Variants in MTX3 observed in about 807,000 individuals in gnomAD.
MTX3 encodes metaxin-3.
A neutral mutation model predicts 42.5 loss-of-function variants in MTX3; 27 were observed. The observed-to-expected ratio is 0.64, with a 90% CI of 0.47 to 0.88. The LOEUF (loss-of-function observed/expected upper bound fraction) is 0.88, where lower values mean the gene tolerates loss of function less well. Among genes scored for constraint, MTX3 ranks in the 40% least tolerant of loss-of-function variants. The pLI is 0.00. For missense variants in MTX3, 378 were observed against 367.0 expected (o/e 1.03, Z -0.25); for synonymous variants, 144 against 132.9 (o/e 1.08, Z -0.57).
chr5:79,978,295 T>A lies in MTX3; in HGVS notation c.*5389A>T, dbSNP rs1253990413. On this transcript the variant is annotated 3_prime_UTR_variant, in exon 9 of 9. Coordinates refer to ENST00000512528, the MANE Select transcript of MTX3 (RefSeq NM_001363818.2). ...CATAAATCCCACAAGATACCTACTT[T>A]TAAAAAAATCTGGCCGGGGACAGTG... 6.6e-6 allele frequency: 1 copy of A among 152,136 alleles called. No homozygotes were observed. The highest frequency in any genetic ancestry group is 1.5e-5 in the Non-Finnish European group (1 of 68,042). 9.4% of individuals were successfully genotyped at this position (152,136 alleles called of 1,614,324 possible). A position where few individuals can be genotyped will look rare whatever the true frequency, so the allele number is the denominator to read the frequency against.
Position 79,977,077 on chromosome 5 carries a change from C to T in MTX3, c.*6607G>A, listed in dbSNP as rs1831267668. ...CTTCTTTACTGTCAATCTTTCAGAA[C>T]AGTAACATGACATTACAAACACCTC... On this transcript the variant is annotated 3_prime_UTR_variant, in exon 9 of 9. Transcript: ENST00000512528. The T allele has an allele frequency of 6.6e-6, 1 of 152,146 alleles. No homozygotes were observed. The highest frequency in any genetic ancestry group is 1.5e-5 in the Non-Finnish European group (1 of 68,024). The allele number at this position is 152,146 out of a possible 1,614,324, so 9.4% of individuals were successfully genotyped here. A position where few individuals can be genotyped will look rare whatever the true frequency, so the allele number is the denominator to read the frequency against.
At position 79,982,700 on chromosome 5, in the gene MTX3, T is replaced by C; in HGVS notation, c.*984A>G. ...GAAAAATAATTGGTTGTCAGAAAGC[T>C]TTTGACTACATGATATGCATCTTAT... On this transcript the variant is annotated 3_prime_UTR_variant, in exon 9 of 9. Coordinates refer to ENST00000512528, the MANE Select transcript of MTX3 (RefSeq NM_001363818.2). 1 of 240,684 alleles carries C rather than the reference T, an allele frequency of 4.2e-6. No homozygotes were observed. The highest frequency in any genetic ancestry group is 8.4e-6 in the Non-Finnish European group (1 of 119,316). 14.9% of individuals were successfully genotyped at this position (240,684 alleles called of 1,614,324 possible).
intron 8 of MTX3, among the ~76,000 whole-genome samples, chr5:79,985,103 T>C (rs1831460472): frequency 1.3e-5 from 2 of 152,128 alleles, no homozygotes; most frequent in South Asian, 4.1e-4. Flanking sequence ...TGCCTCAGCC[T>C]CCTGAGTAGC....
In MTX3 at chr5:79,987,057, T is replaced by C; in HGVS notation, c.632A>G (p.Lys211Arg). The C allele has an allele frequency of 6.2e-7, 1 of 1,613,924 alleles. No homozygotes were observed. The highest frequency in any genetic ancestry group is 8.5e-7 in the Non-Finnish European group (1 of 1,179,868). Residue 211 changes from lysine to arginine, a missense_variant, in exon 7 of 9, where the codon AAA becomes AGA. Transcript: ENST00000512528. ...YVFGFLAPLY[K>R]VRFPKVQLQE... ...TAGCTGAACTTTAGGAAACCGTACT[T>C]TGTAAAGAGGTGCAAGAAAACCAAA...
intron 3 of MTX3, 123 bp from the exon 4 acceptor site, chr5:79,989,367 G>A (rs967460531): frequency 1.6e-6 from 1 of 630,406 alleles, no homozygotes; most frequent in Non-Finnish European, 2.7e-6. Flanking sequence ...TAAAATGGGA[G>A]AAAGAGAAAT....
rs761849345 is a variant in MTX3 at position 79,987,097 on chromosome 5, A to T, written c.592T>A (p.Leu198Met). 6 of 1,613,658 alleles carry T rather than the reference A, an allele frequency of 3.7e-6. No homozygotes were observed. In the African/African-American group the frequency reaches 8.0e-5, roughly 22 times the overall value. ...AGAAAACCAAAAACATAGGCATCCA[A>T]GGTAGAAGGCCTAGAAATAAATTAA... ...QFFFGDTPSTLDAYVFGFLAP... is the reference protein window; with the variant it reads ...QFFFGDTPSTMDAYVFGFLAP... Residue 198 changes from leucine to methionine, a missense_variant, in exon 7 of 9, where the codon TTG becomes ATG. Physicochemically the swap from Leu to Met is conservative, Grantham distance 15. Transcript: ENST00000512528.
chr5:79,985,373 T>C (rs951852653), intron 8 of MTX3, among the ~76,000 whole-genome samples, 198 bp downstream of exon 8: 1 of 152,132 alleles, frequency 6.6e-6, no homozygotes. Context: ...TATCTGATCT[T>C]TCCCCAATCA....
chr5:79,987,046 G>C lies in MTX3; in HGVS notation c.643C>G (p.Pro215Ala). Residue 215 changes from proline to alanine, a missense_variant, in exon 7 of 9, where the codon CCT (proline) becomes GCT (alanine). Physicochemically the swap from Pro to Ala is conservative, Grantham distance 27 (BLOSUM62 -1). Coordinates refer to ENST00000512528, the MANE Select transcript of MTX3 (RefSeq NM_001363818.2). Reference protein sequence around the residue: ...FLAPLYKVRFPKVQLQEHLKQ... With the variant: ...FLAPLYKVRFAKVQLQEHLKQ... ...AGATGTTCTTGTAGCTGAACTTTAG[G>C]AAACCGTACTTTGTAAAGAGGTGCA... 7 of 1,613,968 alleles carry C rather than the reference G, an allele frequency of 4.3e-6. No homozygotes were observed. Among genetic ancestry groups the C allele is most frequent in the Non-Finnish European group, 5.9e-6 (7 of 1,179,880 alleles).
In MTX3 at chr5:79,980,460, C is replaced by T. The variant is rs996748601; in HGVS notation, c.*3224G>A. Reference sequence around the variant, plus strand: ...GCACCCCCAATATAATACAAACAAACTTAAGTTGAAATTTGGTTTGTTAAT... The same window carrying T: ...GCACCCCCAATATAATACAAACAAATTTAAGTTGAAATTTGGTTTGTTAAT... On this transcript the variant is annotated 3_prime_UTR_variant, in exon 9 of 9. Transcript: ENST00000512528. 1 of 151,882 alleles carries T rather than the reference C, an allele frequency of 6.6e-6. No individual in the cohort carries two copies. Among genetic ancestry groups the T allele is most frequent in the Non-Finnish European group, 1.5e-5 (1 of 68,010 alleles). The allele number at this position is 151,882 out of a possible 1,614,324, so 9.4% of individuals were successfully genotyped here.
Position 79,991,203 on chromosome 5 carries a change from G to C in MTX3, c.36C>G (p.Gly12=). 3.4e-6 allele frequency: 5 copies of C among 1,483,122 alleles called. No homozygotes were observed. Among genetic ancestry groups the C allele is most frequent in the Non-Finnish European group, 4.5e-6 (5 of 1,110,462 alleles). The allele number at this position is 1,483,122 out of a possible 1,614,324, so 91.9% of individuals were successfully genotyped here. A position where few individuals can be genotyped will look rare whatever the true frequency, so the allele number is the denominator to read the frequency against. ...TGTGAACCGATGGGAGTCCCCAGCC[G>C]CCTCCCCAGCAACTGAGTTCCAAGG... The part of the protein sequence containing the change: ...AAPLELSCWG[G]GWGLPSVHSE... The change falls in exon 1 of 9, where the codon GGC becomes GGG. Residue 12 remains glycine (G), a synonymous_variant. Transcript: ENST00000512528.
intron 1 of MTX3, 136 bp downstream of exon 1, chr5:79,991,022 G>A (rs1471510266): frequency 1.0e-5 from 10 of 953,422 alleles, no homozygotes; most frequent in East Asian, 2.6e-5. Context: ...TCGGTGGGAG[G>A]GAGCCCAGGG....
rs10514171 is a variant in MTX3, at chr5:79,983,030, T to C, written c.*654A>G. Reference sequence around the variant, plus strand: ...TATCGAACACATCAGCAAAGACCAATGTTATACTGAAATGAGTATTATCAG... The same window carrying C: ...TATCGAACACATCAGCAAAGACCAACGTTATACTGAAATGAGTATTATCAG... On this transcript the variant is annotated 3_prime_UTR_variant, in exon 9 of 9. Coordinates refer to ENST00000512528, the MANE Select transcript of MTX3 (RefSeq NM_001363818.2). 1,755 of 153,938 alleles carry C rather than the reference T, an allele frequency of 0.011. 119 individuals carry two copies. In the East Asian group the frequency reaches 0.2, roughly 17 times the overall value. 9.5% of individuals were successfully genotyped at this position (153,938 alleles called of 1,614,324 possible). A position where few individuals can be genotyped will look rare whatever the true frequency, so the allele number is the denominator to read the frequency against.
In MTX3 at chr5:79,988,677, G is replaced by A. The variant is rs1352656799; in HGVS notation, c.322-33C>T. On this transcript the variant is annotated intron_variant, in intron 4 of 8. Coordinates refer to ENST00000512528, the MANE Select transcript of MTX3 (RefSeq NM_001363818.2). Reference sequence around the variant, plus strand: ...AGAAGAGAAAAAACACTACAAGGATGTTCTTTTATTAAATGAAAGATCACT... The same window carrying A: ...AGAAGAGAAAAAACACTACAAGGATATTCTTTTATTAAATGAAAGATCACT... 11 of 1,494,796 alleles carry A rather than the reference G, an allele frequency of 7.4e-6. No individual in the cohort carries two copies. The East Asian group carries it at 2.5e-4, about 34-fold the overall frequency. 92.6% of individuals were successfully genotyped at this position (1,494,796 alleles called of 1,614,324 possible).
In MTX3 at chr5:79,990,621, T is replaced by C. The variant is rs1561284708; in HGVS notation, c.124A>G (p.Ile42Val). Reference sequence around the variant, plus strand: ...CTTGAACCTCTCCAGGTGTTATCTATCACATTGACTTTCAAGGGTGCACCA... The same window carrying C: ...CTTGAACCTCTCCAGGTGTTATCTACCACATTGACTTTCAAGGGTGCACCA... ...FSGAPLKVNV[I>V]DNTWRGSRGD... The change falls in exon 2 of 9, where the codon ATA (isoleucine) becomes GTA (valine). Residue 42 changes from isoleucine (I) to valine (V), a missense_variant. By Grantham distance (29) the Ile-to-Val change is conservative. Coordinates refer to ENST00000512528, the MANE Select transcript of MTX3 (RefSeq NM_001363818.2). 6.2e-7 allele frequency: 1 copy of C among 1,612,800 alleles called. No homozygotes were observed. Among genetic ancestry groups the C allele is most frequent in the East Asian group, 2.2e-5 (1 of 44,880 alleles).
chr5:79,990,696 C>T (rs372399409), intron 1 of MTX3, 33 bp from the exon 2 acceptor site: 5 of 1,525,766 alleles, frequency 3.3e-6, no homozygotes, highest in Admixed American at 1.7e-5. Flanking sequence ...ACATTTTAGA[C>T]CAAGTGCGTA....
In MTX3 at chr5:79,980,420, A is replaced by G. The variant is rs1361274522; in HGVS notation, c.*3264T>C. On this transcript the variant is annotated 3_prime_UTR_variant, in exon 9 of 9. Coordinates refer to ENST00000512528, the MANE Select transcript of MTX3 (RefSeq NM_001363818.2). Reference sequence around the variant, plus strand: ...AAATAAAAATGCTTGCTTTTATAAAATCTCCAGTCTCGCAGCACCCCCAAT... The same window carrying G: ...AAATAAAAATGCTTGCTTTTATAAAGTCTCCAGTCTCGCAGCACCCCCAAT... 4.6e-5 allele frequency: 7 copies of G among 152,186 alleles called. No homozygotes were observed. The highest frequency in any genetic ancestry group is 7.3e-5 in the Non-Finnish European group (5 of 68,044). 9.4% of individuals were successfully genotyped at this position (152,186 alleles called of 1,614,324 possible).
chr5:79,987,237 T>C (rs945058388), intron 6 of MTX3, 130 bp from the exon 7 acceptor site: 5 of 698,922 alleles, frequency 7.2e-6, no homozygotes, highest in African/African-American at 3.6e-5. Context: ...GGTCAGGAGT[T>C]CCAGATAAGC....
chr5:79,978,694 G>A lies in MTX3; in HGVS notation c.*4990C>T, dbSNP rs1200146418. 6.6e-6 allele frequency: 1 copy of A among 152,176 alleles called. No homozygotes were observed. Among genetic ancestry groups the A allele is most frequent in the East Asian group, 1.9e-4 (1 of 5,196 alleles). 9.4% of individuals were successfully genotyped at this position (152,176 alleles called of 1,614,324 possible). On this transcript the variant is annotated 3_prime_UTR_variant, in exon 9 of 9. Transcript: ENST00000512528. ...TAAAATGCACATTAGCGTATCAAAG[G>A]TCTGAAAGGCCAACAGTAACTCAAC...
chr5:79,986,812 C>A, intron 7 of MTX3, 138 bp downstream of exon 7: 1 of 753,852 alleles, frequency 1.3e-6, no homozygotes, highest in Non-Finnish European at 2.1e-6. Context: ...GTCGGAAAAA[C>A]ACAAATCCTT....
Sources: allele counts gnomAD v4.1 joint callset (sites outside exome capture counted in the v4.1 genomes callset), GRCh38; gene constraint gnomAD v4.1.1; transcripts MANE v1.5; gene names NCBI Gene and HGNC (gene_info 2026-07-23, HGNC 2026-07-21).